Variants in SH3GL2 observed in about 807,000 individuals in gnomAD.
SH3GL2 encodes endophilin-A1.
SH3GL2 carries 24 observed loss-of-function variants against 46.0 expected under a neutral mutation model. The observed-to-expected ratio is 0.52, with a 90% confidence interval of 0.38 to 0.73. The LOEUF (loss-of-function observed/expected upper bound fraction) is 0.73. Among genes scored for constraint, SH3GL2 ranks in the 30% least tolerant of loss-of-function variants. SH3GL2 has a pLI of 0.00. For missense variants in SH3GL2, 413 were observed against 424.2 expected (o/e 0.97, Z 0.23); for synonymous variants, 196 against 147.1 (o/e 1.33, Z -2.40).
chr9:17,686,625 T>A (rs1022685413), intron 1 of SH3GL2, among the ~76,000 whole-genome samples: 1 of 127,220 alleles, frequency 7.9e-6, no homozygotes, highest in Non-Finnish European at 1.6e-5. Flanking sequence ...AATGATGAGT[T>A]CATGTCCTTT....
intron 1 of SH3GL2, among the ~76,000 whole-genome samples, chr9:17,633,913 T>C (rs1021963580): frequency 6.6e-6 from 1 of 152,110 alleles, no homozygotes; most frequent in African/African-American, 2.4e-5. Flanking sequence ...GTGCCTTCAG[T>C]GTCCTTTGGC....
At chr9:17,791,434 G>C in intron 7 of SH3GL2, 100 bp downstream of exon 7, 1 of 877,034 alleles carries the variant, frequency 1.1e-6, no homozygotes, top group Non-Finnish European at 1.9e-6. Flanking sequence ...ACAAACGTCT[G>C]CCAAAATTCC....
At chr9:17,595,878 T>C (rs1450724207) in intron 1 of SH3GL2, among the ~76,000 whole-genome samples, 1 of 152,196 alleles carries the variant, frequency 6.6e-6, no homozygotes, top group Non-Finnish European at 1.5e-5. Context: ...GCTATATTGT[T>C]ACAGTAAGAT....
At chr9:17,788,322 T>G (rs1824020983) in intron 5 of SH3GL2, among the ~76,000 whole-genome samples, 1 of 152,108 alleles carries the variant, frequency 6.6e-6, no homozygotes, top group African/African-American at 2.4e-5. Flanking sequence ...CTCAAATGTT[T>G]AAAAAAGAAA....
chr9:17,750,989 G>A (rs910420858), intron 2 of SH3GL2, among the ~76,000 whole-genome samples: 4 of 152,164 alleles, frequency 2.6e-5, no homozygotes, highest in Non-Finnish European at 5.9e-5. Context: ...GAGAGAGGGC[G>A]TCTGAGCTAA....
At chr9:17,682,683 T>TAAAAAAAAAA (rs538365567) in intron 1 of SH3GL2, among the ~76,000 whole-genome samples, 1 of 136,648 alleles carries the variant, frequency 7.3e-6, no homozygotes, top group African/African-American at 2.7e-5. Context: ...AAAGCAAAAT[T>TAAAAAAAAAA]AAAAAAAAAA....
intron 3 of SH3GL2, among the ~76,000 whole-genome samples, chr9:17,767,225 T>A (rs1055166621): frequency 6.6e-6 from 1 of 152,260 alleles, no homozygotes; most frequent in East Asian, 1.9e-4. Context: ...CCAGCATTTC[T>A]GAGATTTGGG....
chr9:17,771,085 A>T (rs1823465739), intron 3 of SH3GL2, among the ~76,000 whole-genome samples: 1 of 152,214 alleles, frequency 6.6e-6, no homozygotes. Context: ...AAACTAATAC[A>T]GTGTGGCTGT....
intron 1 of SH3GL2, among the ~76,000 whole-genome samples, chr9:17,605,748 T>C (rs961281780): frequency 6.6e-6 from 1 of 152,306 alleles, no homozygotes; most frequent in Non-Finnish European, 1.5e-5. Flanking sequence ...ATAAAATTCA[T>C]GGTGTGAGAT....
rs541544263 is a variant in SH3GL2, at chr9:17,718,233, A to G, written c.46-28833A>G. On this transcript the variant is annotated intron_variant, in intron 1 of 8. Transcript: ENST00000380607. ...AATTCCAATATCATGGTTTTGTAGC[A>G]CTAGTTCATGCCATCCTCCCTCACA... 1.2e-4 allele frequency among the ~76,000 whole-genome samples: 18 copies of G among 152,276 alleles called. No homozygotes were observed. In the East Asian group the frequency reaches 2.7e-3, roughly 23 times the overall value.
At chr9:17,715,714 T>G (rs939588182) in intron 1 of SH3GL2, among the ~76,000 whole-genome samples, 1 of 151,616 alleles carries the variant, frequency 6.6e-6, no homozygotes, top group Non-Finnish European at 1.5e-5. Flanking sequence ...ATAATGGGCA[T>G]CGCATTATGT....
intron 3 of SH3GL2, among the ~76,000 whole-genome samples, chr9:17,782,979 G>C (rs1275421301): frequency 6.6e-6 from 1 of 152,070 alleles, no homozygotes; most frequent in Non-Finnish European, 1.5e-5. Context: ...ACGCAAGGAA[G>C]GGACTCTGGG....
At chr9:17,607,097 CAT>C (rs1168256494) in intron 1 of SH3GL2, among the ~76,000 whole-genome samples, 2 of 152,158 alleles carry the variant, frequency 1.3e-5, no homozygotes, top group East Asian at 3.9e-4. Flanking sequence ...AAAATTATGA[CAT>C]ACAGTCATGC....
At chr9:17,685,346 C>A in intron 1 of SH3GL2, among the ~76,000 whole-genome samples, 2 of 152,112 alleles carry the variant, frequency 1.3e-5, no homozygotes, top group East Asian at 3.9e-4. Flanking sequence ...TGAGGACTTT[C>A]GGTTGATTGG....
chr9:17,643,079 A>C (rs943437708), intron 1 of SH3GL2, among the ~76,000 whole-genome samples: 10 of 152,154 alleles, frequency 6.6e-5, no homozygotes, highest in Admixed American at 2.6e-4. Context: ...AGTGGTTTGT[A>C]GTTCTCCTTG....
chr9:17,785,656 G>C (rs1295133320), intron 3 of SH3GL2, among the ~76,000 whole-genome samples: 2 of 152,012 alleles, frequency 1.3e-5, no homozygotes, highest in Non-Finnish European at 2.9e-5. Flanking sequence ...TAATAAAGCT[G>C]TTTTTGCCAC....
Position 17,717,673 on chromosome 9 carries a change from G to A in SH3GL2, c.46-29393G>A, listed in dbSNP as rs143211114. On this transcript the variant is annotated intron_variant, in intron 1 of 8. Coordinates refer to ENST00000380607, the MANE Select transcript of SH3GL2 (RefSeq NM_003026.5). ...GGGAAGAGAAGTTAAATGATACAGC[G>A]CACAGATAAAATTGCTAACAGAAGT... 4.5e-4 allele frequency among the ~76,000 whole-genome samples: 68 copies of A among 152,196 alleles called. No individual in the cohort carries two copies. In the East Asian group the frequency reaches 0.012, roughly 28 times the overall value.
At position 17,795,658 on chromosome 9, in the gene SH3GL2, A is replaced by G; in HGVS notation, c.974A>G (p.Glu325Gly). The change falls in exon 9 of 9, where the codon GAG becomes GGG. Residue 325 changes from glutamate (E) to glycine (G), a missense_variant. Glu to Gly is a moderately conservative substitution (Grantham distance 98, BLOSUM62 -2). Transcript: ENST00000380607. The stretch of plus-strand genomic sequence containing the variant: ...ATCACACTCACTAACCAAATTGATG[A>G]GAACTGGTATGAGGGGATGCTGCAT... Reference protein sequence around the residue: ...DIITLTNQIDENWYEGMLHGH... With the variant: ...DIITLTNQIDGNWYEGMLHGH... 1 of 1,614,042 alleles carries G rather than the reference A, an allele frequency of 6.2e-7. No homozygotes were observed. Among genetic ancestry groups the G allele is most frequent in the African/African-American group, 1.3e-5 (1 of 75,062 alleles).
At chr9:17,614,925 C>G (rs1321070787) in intron 1 of SH3GL2, among the ~76,000 whole-genome samples, 1 of 152,188 alleles carries the variant, frequency 6.6e-6, no homozygotes, top group Non-Finnish European at 1.5e-5. Context: ...CCAAAAGGCT[C>G]CGCGACAGCA....
Sources: allele counts gnomAD v4.1 joint callset (sites outside exome capture counted in the v4.1 genomes callset), GRCh38; gene constraint gnomAD v4.1.1; transcripts MANE v1.5; gene names NCBI Gene and HGNC (gene_info 2026-07-23, HGNC 2026-07-21).